The following TSC2 variants were observed in gnomAD, a reference collection of about 807,000 sequenced individuals.
TSC2 encodes the protein tuberin.
TSC2 carries 29 observed loss-of-function variants against 202.2 expected under a neutral mutation model. That is an observed-to-expected ratio of 0.14 (90% confidence interval 0.11 to 0.20). The LOEUF (loss-of-function observed/expected upper bound fraction) is 0.20. Ranked by LOEUF, TSC2 falls within the 10% of genes least tolerant of loss-of-function variation. The pLI is 1.00. For missense variants in TSC2, 2,429 were observed against 2,420.0 expected, an observed-to-expected ratio of 1.00 and a Z score of -0.08; for synonymous variants, 1,349 against 1,044.0, an observed-to-expected ratio of 1.29 and a Z score of -5.63.
intron 38 of TSC2, 64 bp from the exon 39 acceptor site, chr16:2,087,799 G>A (rs2151608395): frequency 6.3e-7 from 1 of 1,581,278 alleles, no homozygotes; most frequent in Non-Finnish European, 8.6e-7. Context: ...CAACCAGGCA[G>A]TAGCCGAGAT....
Position 2,074,943 on chromosome 16 carries a change from C to A in TSC2, c.2545+554C>A, listed in dbSNP as rs150917220. On this transcript the variant is annotated intron_variant, in intron 22 of 41. Transcript: ENST00000219476. ...AGAAGTGTAGAAGCCTGGCCAGGCG[C>A]GGTGGCTCAGGCCTGTCATCCCAGC... 1,000 of 177,226 alleles carry A rather than the reference C, an allele frequency of 5.6e-3. 9 individuals carry two copies. The highest frequency in any genetic ancestry group is 0.022 in the African/African-American group (935 of 42,394). 11.0% of individuals were successfully genotyped at this position (177,226 alleles called of 1,614,324 possible).
intron 22 of TSC2, among the ~76,000 whole-genome samples, chr16:2,075,487 A>T (rs2089175709): frequency 7.1e-6 from 1 of 140,906 alleles, no homozygotes; most frequent in Non-Finnish European, 1.5e-5. Flanking sequence ...GGATCGCGCC[A>T]CTGCACTCCA....
In TSC2 at chr16:2,064,385, C is replaced by T; in HGVS notation, c.1557C>T (p.Cys519=). Residue 519 remains cysteine, a synonymous_variant, in exon 15 of 42, where the codon TGC becomes TGT. Transcript: ENST00000219476. ...TQLLVDLAEG[C]HTHHFNSLLD... Reference sequence around the variant, plus strand: ...TGCTGGTGGACCTGGCAGAGGGCTGCCACACACACCACTTCAACAGCCTGC... The same window carrying T: ...TGCTGGTGGACCTGGCAGAGGGCTGTCACACACACCACTTCAACAGCCTGC... The T allele has an allele frequency of 1.2e-6, 2 of 1,613,722 alleles. No individual in the cohort carries two copies. The highest frequency in any genetic ancestry group is 1.7e-5 in the Admixed American group (1 of 60,022).
At chr16:2,073,620 C>T (rs1236663552) in intron 21 of TSC2, among the ~76,000 whole-genome samples, 1 of 152,208 alleles carries the variant, frequency 6.6e-6, no homozygotes, top group African/African-American at 2.4e-5. Flanking sequence ...GGCTCAGCCC[C>T]ACCCTGTTGG....
At chr16:2,070,200 C>T (rs1361406493) in intron 16 of TSC2, among the ~76,000 whole-genome samples, 5 of 152,228 alleles carry the variant, frequency 3.3e-5, no homozygotes, top group African/African-American at 7.2e-5. Flanking sequence ...GTCTGCCACG[C>T]AGCTGGAGCT....
chr16:2,086,503 C>T (rs912697241), intron 37 of TSC2, 124 bp downstream of exon 37: 13 of 1,452,908 alleles, frequency 8.9e-6, no homozygotes, highest in East Asian at 7.4e-5. Flanking sequence ...CTCCCCACGC[C>T]TCAGGTTCCG....
In TSC2 at chr16:2,060,751, C is replaced by G. The variant is rs902767624; in HGVS notation, c.1057C>G (p.Leu353Val). The change falls in exon 11 of 42, where the codon CTC becomes GTC. Residue 353 changes from leucine to valine, a missense_variant. Coordinates refer to ENST00000219476, the MANE Select transcript of TSC2 (RefSeq NM_000548.5). ...TRLIKKYRKE[L>V]QVVAWDILLN... ...GCTCATCAAGAAGTATAGGAAGGAG[C>G]TCCAGGTGGTGGCGTGGGACATTCT... The G allele has an allele frequency of 1.1e-5, 17 of 1,614,126 alleles. No homozygotes were observed. The highest frequency in any genetic ancestry group is 1.4e-5 in the Non-Finnish European group (17 of 1,180,016).
chr16:2,082,580 C>T (rs137854188), intron 32 of TSC2, 76 bp downstream of exon 32: 1 of 1,516,884 alleles, frequency 6.6e-7, no homozygotes, highest in South Asian at 1.1e-5. Flanking sequence ...GTCGCCTCAT[C>T]CGCCCACCCC....
At chr16:2,069,671 A>G (rs540495770) in intron 16 of TSC2, among the ~76,000 whole-genome samples, 209 of 152,258 alleles carry the variant, frequency 1.4e-3, no homozygotes, top group East Asian at 4.1e-3. Flanking sequence ...TAGTAGAGAC[A>G]GGGTTTCACC....
At position 2,073,149 on chromosome 16, in the gene TSC2, C is replaced by T. The variant is rs116671341; in HGVS notation, c.2355+166C>T. On this transcript the variant is annotated intron_variant, in intron 21 of 41. Coordinates refer to ENST00000219476, the MANE Select transcript of TSC2 (RefSeq NM_000548.5). ...TGCCAGATGCCCAGAGTGGGGACAT[C>T]CGATTCCCTGGTGCTTCTAGCTCTC... Among the ~76,000 whole-genome samples, 1,637 of 152,218 alleles carry T rather than the reference C, an allele frequency of 0.011. 39 individuals are homozygous for T. The highest frequency in any genetic ancestry group is 0.037 in the African/African-American group (1,537 of 41,554).
intron 16 of TSC2, among the ~76,000 whole-genome samples, chr16:2,069,532 T>C (rs948042663): frequency 5.3e-5 from 8 of 150,922 alleles, no homozygotes; most frequent in Admixed American, 6.6e-5. Flanking sequence ...CAGGCTGGAG[T>C]GCAGTGGCAC....
chr16:2,064,808 T>C, intron 15 of TSC2: 1 of 338,428 alleles, frequency 3.0e-6, no homozygotes, highest in South Asian at 2.7e-5. Flanking sequence ...AAGGGCATCT[T>C]TGCTTTTGAG....
intron 1 of TSC2, 155 bp downstream of exon 1, chr16:2,048,220 G>C: frequency 6.8e-7 from 1 of 1,479,466 alleles, no homozygotes; most frequent in Non-Finnish European, 9.2e-7. Flanking sequence ...GTCATGGCGG[G>C]TGCGAACGGG....
intron 6 of TSC2, 78 bp downstream of exon 6, chr16:2,055,597 A>C: frequency 1.4e-6 from 2 of 1,388,114 alleles, no homozygotes; most frequent in Non-Finnish European, 2.0e-6. Flanking sequence ...AAACCACCAA[A>C]AAAATAGAGG....
chr16:2,051,463 A>G (rs2085116450), intron 3 of TSC2, among the ~76,000 whole-genome samples: 1 of 152,142 alleles, frequency 6.6e-6, no homozygotes, highest in Non-Finnish European at 1.5e-5. Flanking sequence ...TCTTGGTGCC[A>G]TTTTGGGAGG....
In TSC2 at chr16:2,048,051, G is replaced by T; in HGVS notation, c.-44G>T. The T allele has an allele frequency of 2.8e-6, 4 of 1,424,518 alleles. No homozygotes were observed. Among genetic ancestry groups the T allele is most frequent in the Non-Finnish European group, 3.6e-6 (4 of 1,096,724 alleles). The allele number at this position is 1,424,518 out of a possible 1,614,324, so 88.2% of individuals were successfully genotyped here. ...CCGCGTCGGGGCGGCCCGGAGCGCG[G>T]TGGCGCGGCGCGGGGTAAGTGGCGG... is the stretch of plus-strand genomic sequence containing the variant. On this transcript the variant is annotated 5_prime_UTR_variant, in exon 1 of 42. Transcript: ENST00000219476.
At position 2,088,545 on chromosome 16, in the gene TSC2, G is replaced by A. The variant is rs45517419; in HGVS notation, c.5359G>A (p.Gly1787Ser). ...ACAGACTCCAGCCGAGCCCACACCTGGCTATGAGGTGGGCCAGCGGAAGCG... is the reference window on the plus strand; with the variant it reads ...ACAGACTCCAGCCGAGCCCACACCTAGCTATGAGGTGGGCCAGCGGAAGCG... The part of the protein sequence containing the change: ...PAQTPAEPTP[G>S]YEVGQRKRLI... Residue 1787 changes from glycine to serine, a missense_variant, in exon 42 of 42, where the codon GGC (glycine) becomes AGC (serine). Gly to Ser is a moderately conservative substitution (Grantham distance 56). Transcript: ENST00000219476. 1.7e-3 allele frequency: 2,796 copies of A among 1,612,070 alleles called. 14 individuals are homozygous for A. Among genetic ancestry groups the A allele is most frequent in the Non-Finnish European group, 1.8e-3 (2,100 of 1,179,992 alleles).
At chr16:2,073,679 C>T (rs1417331316) in intron 21 of TSC2, among the ~76,000 whole-genome samples, 1 of 152,230 alleles carries the variant, frequency 6.6e-6, no homozygotes. Flanking sequence ...TGGGTCTTGC[C>T]TCAAAGCATA....
intron 37 of TSC2, 49 bp downstream of exon 37, chr16:2,086,428 G>T: frequency 6.3e-7 from 1 of 1,592,858 alleles, no homozygotes; most frequent in Non-Finnish European, 8.5e-7. Context: ...CTCAGGGCAC[G>T]GCTCCCATCC....
Sources: allele counts gnomAD v4.1 joint callset (sites outside exome capture counted in the v4.1 genomes callset), GRCh38; gene constraint gnomAD v4.1.1; transcripts MANE v1.5; gene names NCBI Gene and HGNC (gene_info 2026-07-23, HGNC 2026-07-21).